Variants in MDM4 observed in about 807,000 individuals in gnomAD.
MDM4 encodes MDM4 regulator of p53, also known as protein Mdm4.
MDM4 carries 2 observed loss-of-function variants against 60.2 expected under a neutral mutation model. The ratio of observed to expected loss-of-function variants is 0.03; its 90% CI spans 0.01 to 0.10. The LOEUF is 0.10. Among genes scored for constraint, MDM4 ranks in the 10% least tolerant of loss-of-function variants. The pLI, the probability that MDM4 is intolerant of heterozygous loss-of-function variation, is 1.00. For missense variants in MDM4, 447 were observed against 577.5 expected, an observed-to-expected ratio of 0.77 and a Z score of 2.32; for synonymous variants, 202 against 198.1, an observed-to-expected ratio of 1.02 and a Z score of -0.17.
Position 204,549,362 on chromosome 1 carries a change from C to T in MDM4, c.1153C>T (p.Leu385Phe), listed in dbSNP as rs769790390. 1 of 1,614,174 alleles carries T rather than the reference C, an allele frequency of 6.2e-7. No homozygotes were observed. Among genetic ancestry groups the T allele is most frequent in the East Asian group, 2.2e-5 (1 of 44,888 alleles). The change falls in exon 11 of 11, where the codon CTT becomes TTT. Residue 385 changes from leucine (L) to phenylalanine (F), a missense_variant. This residue lies in a region of MDM4 where 117 missense variants were observed against 114.5 expected (regional missense o/e 1.02). Coordinates refer to ENST00000367182, the MANE Select transcript of MDM4 (RefSeq NM_002393.5). ...GTATATAAAGAAAGAAAACTCCAAACTTTTTGATCCCTGCAACTCAGTGGA... is the reference window on the plus strand; with the variant it reads ...GTATATAAAGAAAGAAAACTCCAAATTTTTTGATCCCTGCAACTCAGTGGA... ...DAYIKKENSK[L>F]FDPCNSVEFL...
intron 10 of MDM4, among the ~76,000 whole-genome samples, chr1:204,548,789 A>C (rs577798787): frequency 6.6e-6 from 1 of 152,320 alleles, no homozygotes. Flanking sequence ...AGTTGTGCAA[A>C]GAAAAATAAC....
At chr1:204,519,859 T>C (rs960275238) in intron 1 of MDM4, among the ~76,000 whole-genome samples, 1 of 151,808 alleles carries the variant, frequency 6.6e-6, no homozygotes, top group Non-Finnish European at 1.5e-5. Context: ...TGTAATGTTA[T>C]GGAATCACAG....
intron 1 of MDM4, among the ~76,000 whole-genome samples, chr1:204,523,557 C>G (rs760811652): frequency 2.0e-4 from 26 of 127,654 alleles, no homozygotes; most frequent in Non-Finnish European, 3.5e-4. Context: ...AGTCTTGGCT[C>G]ACTGCAACCT....
At chr1:204,528,913 T>C in intron 3 of MDM4, 4 of 1,593,526 alleles carry the variant, frequency 2.5e-6, no homozygotes, top group Non-Finnish European at 3.4e-6. Context: ...TGTACAGCTG[T>C]GTCCTTCTCC....
At chr1:204,522,373 A>G (rs180821836) in intron 1 of MDM4, among the ~76,000 whole-genome samples, 34 of 151,428 alleles carry the variant, frequency 2.2e-4, no homozygotes, top group Admixed American at 2.2e-3. Context: ...GATGAGATCA[A>G]TAGCCACCCA....
rs566348412 is a variant in MDM4 at position 204,557,902 on chromosome 1, C to T, written c.*8220C>T. 6 of 153,710 alleles carry T rather than the reference C, an allele frequency of 3.9e-5. No homozygotes were observed. Among genetic ancestry groups the T allele is most frequent in the East Asian group, 1.9e-4 (2 of 10,702 alleles). 9.5% of individuals were successfully genotyped at this position (153,710 alleles called of 1,614,324 possible). A position where few individuals can be genotyped will look rare whatever the true frequency, so the allele number is the denominator to read the frequency against. On this transcript the variant is annotated 3_prime_UTR_variant, in exon 11 of 11. Coordinates refer to ENST00000367182, the MANE Select transcript of MDM4 (RefSeq NM_002393.5). ...GAGTAATAATAAAACTTCAGTCTTT[C>T]GCTAATAATAATAATAATAATAATA...
chr1:204,543,183 T>C (rs1258187392), intron 8 of MDM4, among the ~76,000 whole-genome samples: 1 of 152,208 alleles, frequency 6.6e-6, no homozygotes, highest in African/African-American at 2.4e-5. Flanking sequence ...GGATTTGACA[T>C]TGAACAATTT....
In MDM4 at chr1:204,553,177, C is replaced by T. The variant is rs143639136; in HGVS notation, c.*3495C>T. 221 of 183,038 alleles carry T rather than the reference C, an allele frequency of 1.2e-3. No homozygotes were observed. The highest frequency in any genetic ancestry group is 4.7e-3 in the African/African-American group (201 of 42,698). The allele number at this position is 183,038 out of a possible 1,614,324, so 11.3% of individuals were successfully genotyped here. A position where few individuals can be genotyped will look rare whatever the true frequency, so the allele number is the denominator to read the frequency against. ...CATGAGCCACAGCGCCCAGCTTAAA[C>T]TATTTTCTTGGTCTGTTTTTGATTT... On this transcript the variant is annotated 3_prime_UTR_variant, in exon 11 of 11. Coordinates refer to ENST00000367182, the MANE Select transcript of MDM4 (RefSeq NM_002393.5).
chr1:204,541,155 CT>C (rs1209592141), intron 7 of MDM4, among the ~76,000 whole-genome samples: 1 of 152,012 alleles, frequency 6.6e-6, no homozygotes, highest in Non-Finnish European at 1.5e-5. Context: ...AAGAACATGG[CT>C]GGGCACTGTT....
rs11585705 is a variant in MDM4 at position 204,523,678 on chromosome 1, G to A, written c.-35-1806G>A. ...GTATTTTTAGTAGAGACAGGGTTTT[G>A]CCCTGTTGCCTAGTCTGGCCTCTGT... On this transcript the variant is annotated intron_variant, in intron 1 of 10. Coordinates refer to ENST00000367182, the MANE Select transcript of MDM4 (RefSeq NM_002393.5). 3.6e-3 allele frequency among the ~76,000 whole-genome samples: 545 copies of A among 151,624 alleles called. 1 individual carries two copies. The highest frequency in any genetic ancestry group is 0.017 in the Middle Eastern group (5 of 292).
At position 204,525,570 on chromosome 1, in the gene MDM4, A is replaced by G. The variant is rs754269993; in HGVS notation, c.52A>G (p.Arg18Gly). 1 of 1,609,732 alleles carries G rather than the reference A, an allele frequency of 6.2e-7. No individual in the cohort carries two copies. The highest frequency in any genetic ancestry group is 8.5e-7 in the Non-Finnish European group (1 of 1,177,548). The part of the protein sequence containing the change: ...AQCSTSDSAC[R>G]ISPGQINQVR... ...GTGTTCAACATCTGACAGTGCTTGC[A>G]GGATCTCTCCTGGACAAATCAATCA... The change falls in exon 2 of 11, where the codon AGG (arginine) becomes GGG (glycine). Residue 18 changes from arginine (R) to glycine (G), a missense_variant. Around this residue, in one of 8 missense-constraint regions of MDM4, gnomAD observed 33 missense variants for 28.8 expected, o/e 1.15. Transcript: ENST00000367182.
At chr1:204,525,652 A>G in intron 2 of MDM4, 56 bp downstream of exon 2, 1 of 1,219,622 alleles carries the variant, frequency 8.2e-7, no homozygotes, top group East Asian at 2.4e-5. Context: ...TAATTTTTAA[A>G]AAGTTTAGCT....
rs1473911496 is a variant in MDM4 at position 204,544,598 on chromosome 1, T to A, written c.736T>A (p.Ser246Thr). Reference protein sequence around the residue: ...DDLWFLNESVSEQLGVGIKVE... With the variant: ...DDLWFLNESVTEQLGVGIKVE... Reference sequence around the variant, plus strand: ...CTTGTGGTTTTTGAATGAGTCAGTATCAGAGCAGTTAGGTGTTGGAATAAA... The same window carrying A: ...CTTGTGGTTTTTGAATGAGTCAGTAACAGAGCAGTTAGGTGTTGGAATAAA... The change falls in exon 9 of 11, where the codon TCA becomes ACA. Residue 246 changes from serine (S) to threonine (T), a missense_variant. Physicochemically the swap from Ser to Thr is moderately conservative, Grantham distance 58 (BLOSUM62 1). Around this residue, in one of 8 missense-constraint regions of MDM4, gnomAD observed 184 missense variants for 179.3 expected, o/e 1.03. Coordinates refer to ENST00000367182, the MANE Select transcript of MDM4 (RefSeq NM_002393.5). 6 of 1,613,884 alleles carry A rather than the reference T, an allele frequency of 3.7e-6. No individual in the cohort carries two copies. Among genetic ancestry groups the A allele is most frequent in the Non-Finnish European group, 5.1e-6 (6 of 1,179,838 alleles).
chr1:204,517,794 C>G (rs1453255476), intron 1 of MDM4, among the ~76,000 whole-genome samples: 1 of 152,046 alleles, frequency 6.6e-6, no homozygotes, highest in Non-Finnish European at 1.5e-5. Flanking sequence ...ATACTTGGAA[C>G]CTCTTGGTGT....
intron 2 of MDM4, 32 bp downstream of exon 2, chr1:204,525,628 GTTTT>G: frequency 2.7e-6 from 3 of 1,112,242 alleles, no homozygotes; most frequent in African/African-American, 1.7e-5. Context: ...TAGTTTTTTG[GTTTT>G]TTTTTTTTTT....
intron 7 of MDM4, 71 bp downstream of exon 7, chr1:204,538,379 C>A: frequency 1.2e-6 from 1 of 832,832 alleles, no homozygotes. Flanking sequence ...TTTAATCTCT[C>A]CGTATGTGAA....
In MDM4 at chr1:204,539,729, G is replaced by A. The variant is rs568266914; in HGVS notation, c.511+1421G>A. Among the ~76,000 whole-genome samples the A allele has an allele frequency of 2.6e-5, 4 of 151,352 alleles. No individual in the cohort carries two copies. The South Asian group carries it at 8.3e-4, about 32-fold the overall frequency. On this transcript the variant is annotated intron_variant, in intron 7 of 10. Transcript: ENST00000367182. ...TTTTTGTATTCTTAGTAGAGACGGGGTTTTACCATGTTGACCAGGATGGGT... is the reference window on the plus strand; with the variant it reads ...TTTTTGTATTCTTAGTAGAGACGGGATTTTACCATGTTGACCAGGATGGGT...
Position 204,532,233 on chromosome 1 carries a change from C to T in MDM4, c.330C>T (p.Ala110=), listed in dbSNP as rs538696162. 1.9e-6 allele frequency: 3 copies of T among 1,596,568 alleles called. No homozygotes were observed. The Admixed American group carries it at 5.0e-5, about 27-fold the overall frequency. The change falls in exon 5 of 11, where the codon GCC becomes GCT. Residue 110 remains alanine (A), a synonymous_variant. Coordinates refer to ENST00000367182, the MANE Select transcript of MDM4 (RefSeq NM_002393.5). The part of the protein sequence containing the change: ...DMLRKNLVTL[A]TATTDAAQTL... ...TAAGAAAGAATCTTGTCACTTTAGC[C>T]ACTGCTACTACAGGTATGTCACATC...
intron 3 of MDM4, among the ~76,000 whole-genome samples, 186 bp from the exon 4 acceptor site, chr1:204,530,498 A>G (rs1161445848): frequency 6.6e-6 from 1 of 152,204 alleles, no homozygotes. Flanking sequence ...TCAGAAAGAC[A>G]ATGAGTAGAT....
Sources: gnomAD v4.1 joint callset for allele counts (sites outside exome capture counted in the v4.1 genomes callset) on GRCh38, gnomAD v4.1.1 for gene constraint, gnomAD v4.1.1 regional missense constraint, MANE v1.5 for transcripts, NCBI Gene and HGNC (gene_info 2026-07-23, HGNC 2026-07-21) for gene names.